Variants in XKR9 observed in about 807,000 individuals in gnomAD.
XKR9 encodes the protein XK-related protein 9.
In XKR9, 32 loss-of-function variants were observed where a neutral mutation model predicts 32.0. The ratio of observed to expected loss-of-function variants is 1.00; its 90% CI spans 0.76 to 1.34. The LOEUF (loss-of-function observed/expected upper bound fraction) is 1.34, where lower values mean the gene tolerates loss of function less well. XKR9 is among the 40% of genes most tolerant of loss of function. The pLI, the probability that XKR9 is intolerant of heterozygous loss-of-function variation, is 0.00. For missense variants in XKR9, 546 were observed against 429.7 expected, an observed-to-expected ratio of 1.27 and a Z score of -2.39; for synonymous variants, 168 against 143.4, an observed-to-expected ratio of 1.17 and a Z score of -1.22.
the XKR9 span, among the ~76,000 whole-genome samples, chr8:70,991,633 A>G: frequency 6.6e-6 from 1 of 152,350 alleles, no homozygotes; most frequent in Non-Finnish European, 1.5e-5. Context: ...TGAAGCTCCA[A>G]GAAAACTGAA....
chr8:70,905,029 C>T, the XKR9 span, among the ~76,000 whole-genome samples: 1 of 152,164 alleles, frequency 6.6e-6, no homozygotes, highest in South Asian at 2.1e-4. Context: ...GGTAATTCGA[C>T]CTTTCTCTCT....
At chr8:70,726,470 A>G (rs570733280) in intron 4 of XKR9, among the ~76,000 whole-genome samples, 2 of 152,326 alleles carry the variant, frequency 1.3e-5, no homozygotes, top group South Asian at 4.1e-4. Context: ...TTTTCACTCA[A>G]TGGGTGCCCA....
At chr8:71,027,712 G>C in the XKR9 span, among the ~76,000 whole-genome samples, 1 of 148,612 alleles carries the variant, frequency 6.7e-6, no homozygotes, top group Non-Finnish European at 1.5e-5. Context: ...GTTATTCAGG[G>C]TCTTTTGTGG....
intron 2 of XKR9, among the ~76,000 whole-genome samples, chr8:70,752,724 C>A (rs1313619046): frequency 6.6e-6 from 1 of 152,064 alleles, no homozygotes; most frequent in East Asian, 1.9e-4. Context: ...CCAACGAGAA[C>A]AAAGACACAA....
chr8:70,756,081 G>T (rs908731485), intron 2 of XKR9, among the ~76,000 whole-genome samples: 5 of 151,994 alleles, frequency 3.3e-5, no homozygotes, highest in Non-Finnish European at 7.4e-5. Flanking sequence ...TTATTCCTTT[G>T]CCTATGGCTA....
the XKR9 span, among the ~76,000 whole-genome samples, chr8:70,940,584 G>C: frequency 6.6e-6 from 1 of 152,086 alleles, no homozygotes; most frequent in South Asian, 2.1e-4. Flanking sequence ...GATAATAAAT[G>C]CTGGTTTTAT....
At chr8:70,723,023 C>T (rs1806335085) in intron 4 of XKR9, among the ~76,000 whole-genome samples, 1 of 151,886 alleles carries the variant, frequency 6.6e-6, no homozygotes, top group African/African-American at 2.4e-5. Flanking sequence ...CTAATCTTGT[C>T]TTCATGCCTT....
the XKR9 span, among the ~76,000 whole-genome samples, chr8:71,010,245 C>T: frequency 6.6e-6 from 1 of 152,120 alleles, no homozygotes; most frequent in Non-Finnish European, 1.5e-5. Flanking sequence ...CTAGCCTTTC[C>T]CCTGAATAAG....
chr8:70,987,098 C>T, the XKR9 span, among the ~76,000 whole-genome samples: 6 of 152,114 alleles, frequency 3.9e-5, no homozygotes, highest in Non-Finnish European at 7.4e-5. Context: ...GGGTCCCTCC[C>T]AAAACACATG....
intron 3 of XKR9, among the ~76,000 whole-genome samples, chr8:70,696,676 G>T (rs1283056305): frequency 7.3e-6 from 1 of 137,268 alleles, no homozygotes; most frequent in Non-Finnish European, 1.6e-5. Flanking sequence ...GCTCTTTCTT[G>T]TTTCCATATG....
At chr8:70,965,637 A>G in the XKR9 span, among the ~76,000 whole-genome samples, 9 of 152,062 alleles carry the variant, frequency 5.9e-5, no homozygotes, top group Non-Finnish European at 1.0e-4. Context: ...AGAACTCATT[A>G]TTTGCCTATT....
the XKR9 span, among the ~76,000 whole-genome samples, chr8:70,987,961 C>A: frequency 6.6e-6 from 1 of 152,234 alleles, no homozygotes; most frequent in Non-Finnish European, 1.5e-5. Flanking sequence ...GGGGCTTGCA[C>A]CATCTGATGC....
chr8:70,755,095 A>AGTG, intron 2 of XKR9, among the ~76,000 whole-genome samples: 2 of 152,234 alleles, frequency 1.3e-5, no homozygotes, highest in Admixed American at 6.5e-5. Context: ...AAAAAGTGGC[A>AGTG]AAGGATATGA....
intron 3 of XKR9, among the ~76,000 whole-genome samples, chr8:70,684,146 C>G (rs1202267529): frequency 6.6e-6 from 1 of 151,988 alleles, no homozygotes; most frequent in Non-Finnish European, 1.5e-5. Flanking sequence ...GATTTTATTT[C>G]TCTTGCTTAG....
chr8:70,731,114 T>C (rs967325592), intron 4 of XKR9, among the ~76,000 whole-genome samples: 2 of 152,168 alleles, frequency 1.3e-5, no homozygotes, highest in East Asian at 1.9e-4. Context: ...TATCCTGTGA[T>C]ACCTATTACA....
chr8:70,785,086 T>C (rs766325201), intron 2 of XKR9, among the ~76,000 whole-genome samples: 22 of 152,008 alleles, frequency 1.4e-4, no homozygotes, highest in Non-Finnish European at 2.4e-4. Context: ...GAAGGGTTGG[T>C]ATTAGTTCTT....
chr8:70,814,910 A>G, the XKR9 span, among the ~76,000 whole-genome samples: 1 of 152,244 alleles, frequency 6.6e-6, no homozygotes, highest in Non-Finnish European at 1.5e-5. Flanking sequence ...TGTATATAAA[A>G]GCAGTGTTCC....
the XKR9 span, among the ~76,000 whole-genome samples, chr8:70,871,986 C>T: frequency 1.3e-5 from 2 of 152,080 alleles, no homozygotes; most frequent in Admixed American, 6.6e-5. Context: ...TCCAAACTTC[C>T]AAATTTTGCA....
the XKR9 span, among the ~76,000 whole-genome samples, chr8:70,796,754 A>C: frequency 6.6e-6 from 1 of 152,224 alleles, no homozygotes; most frequent in Admixed American, 6.5e-5. Flanking sequence ...TAAAAGAAAG[A>C]ATGTTAGAGA....
Sources: gnomAD v4.1 joint callset for allele counts (sites outside exome capture counted in the v4.1 genomes callset) on GRCh38, gnomAD v4.1.1 for gene constraint, MANE v1.5 for transcripts, NCBI Gene and HGNC (gene_info 2026-07-23, HGNC 2026-07-21) for gene names.